The following NFIA variants were observed in gnomAD, a reference collection of about 807,000 sequenced individuals.
The protein encoded by NFIA is nuclear factor 1 A-type.
A neutral mutation model predicts 62.8 loss-of-function variants in NFIA; 8 were observed. The ratio of observed to expected loss-of-function variants is 0.13; its 90% CI spans 0.07 to 0.23. The LOEUF is 0.23. Among genes scored for constraint, NFIA ranks in the 10% least tolerant of loss-of-function variants. The probability of loss-of-function intolerance (pLI) is 1.00; values close to 1 mark genes in which losing one functional copy is unlikely to be tolerated. For missense variants in NFIA, 410 were observed against 642.1 expected (o/e 0.64, Z 3.91); for synonymous variants, 235 against 238.1 (o/e 0.99, Z 0.12).
chr1:61,285,242 T>C (rs1658410697), intron 3 of NFIA, among the ~76,000 whole-genome samples: 1 of 152,070 alleles, frequency 6.6e-6, no homozygotes, highest in Non-Finnish European at 1.5e-5. Flanking sequence ...ATGGCCACTT[T>C]TCATACCTCC....
intron 2 of NFIA, among the ~76,000 whole-genome samples, chr1:61,258,686 C>T (rs561865287): frequency 6.6e-6 from 1 of 152,180 alleles, no homozygotes; most frequent in African/African-American, 2.4e-5. Flanking sequence ...CAGAACTTGA[C>T]TATAAACTAA....
At chr1:61,281,593 A>C (rs1229825521) in intron 3 of NFIA, among the ~76,000 whole-genome samples, 2 of 152,132 alleles carry the variant, frequency 1.3e-5, no homozygotes, top group Non-Finnish European at 1.5e-5. Context: ...TTTTATCCTC[A>C]CAATCTGTTC....
chr1:61,140,043 G>A (rs1647389200), intron 2 of NFIA, among the ~76,000 whole-genome samples: 1 of 152,130 alleles, frequency 6.6e-6, no homozygotes, highest in East Asian at 1.9e-4. Context: ...TAAATGATGA[G>A]AGGAATATCC....
At chr1:61,257,885 CTTTTT>C (rs58230415) in intron 2 of NFIA, among the ~76,000 whole-genome samples, 2 of 115,434 alleles carry the variant, frequency 1.7e-5, no homozygotes, top group African/African-American at 6.8e-5. Context: ...TTCTTTTTTT[CTTTTT>C]TTTTTTTCCT....
chr1:61,311,340 G>A (rs1350815349), intron 3 of NFIA, among the ~76,000 whole-genome samples: 4 of 152,090 alleles, frequency 2.6e-5, no homozygotes, highest in South Asian at 2.1e-4. Context: ...GCGGTGAGCC[G>A]AGATCGCGAC....
rs567239693 is a variant in NFIA, at chr1:61,368,939, A to G, written c.946+9665A>G. Among the ~76,000 whole-genome samples the G allele has an allele frequency of 1.8e-4, 28 of 152,348 alleles. No homozygotes were observed. In the South Asian group the frequency reaches 5.8e-3, roughly 32 times the overall value. The stretch of plus-strand genomic sequence containing the variant: ...AGCTTACAGCCCAGTGAAGGAAGGA[A>G]GGGTAACTGGTTAAATAAGTACCCA... On this transcript the variant is annotated intron_variant, in intron 6 of 10. Transcript: ENST00000403491.
chr1:61,239,879 T>A (rs1655236010), intron 2 of NFIA, among the ~76,000 whole-genome samples: 1 of 152,132 alleles, frequency 6.6e-6, no homozygotes, highest in African/African-American at 2.4e-5. Flanking sequence ...TGGGGTTTCC[T>A]CTCTAGTGAA....
chr1:61,278,168 G>A (rs1306232582), intron 3 of NFIA, among the ~76,000 whole-genome samples: 3 of 152,126 alleles, frequency 2.0e-5, no homozygotes, highest in Non-Finnish European at 4.4e-5. Flanking sequence ...TAAATTTTCT[G>A]TTGCAGATGC....
At chr1:61,078,946 C>T (rs1486931017), upstream of NFIA, among the ~76,000 whole-genome samples, 1 of 152,224 alleles carries the variant, frequency 6.6e-6, no homozygotes, top group East Asian at 1.9e-4. Context: ...ATATCTCCAT[C>T]TCCTCCTCTC....
intron 2 of NFIA, among the ~76,000 whole-genome samples, chr1:61,141,677 A>G (rs887500806): frequency 4.6e-5 from 7 of 152,208 alleles, no homozygotes; most frequent in Admixed American, 1.3e-4. Context: ...TTGACTTTCT[A>G]TATGACCCTA....
chr1:61,108,392 T>C (rs1646640245), intron 2 of NFIA, among the ~76,000 whole-genome samples: 1 of 151,762 alleles, frequency 6.6e-6, no homozygotes. Context: ...TGTTTTTAAC[T>C]CTAATTTCTA....
At chr1:61,132,244 C>G (rs1239815521) in intron 2 of NFIA, among the ~76,000 whole-genome samples, 1 of 152,118 alleles carries the variant, frequency 6.6e-6, no homozygotes, top group African/African-American at 2.4e-5. Context: ...CCTGTCCACT[C>G]CCATTACTAA....
At chr1:61,192,672 C>T (rs774246120) in intron 2 of NFIA, among the ~76,000 whole-genome samples, 5 of 150,506 alleles carry the variant, frequency 3.3e-5, no homozygotes, top group African/African-American at 4.9e-5. Flanking sequence ...CATTGCACTC[C>T]AGCCTGGGTG....
At chr1:61,302,203 G>A (rs1343372611) in intron 3 of NFIA, among the ~76,000 whole-genome samples, 2 of 152,068 alleles carry the variant, frequency 1.3e-5, no homozygotes, top group Non-Finnish European at 2.9e-5. Flanking sequence ...TAAATGCTCC[G>A]GATGGGTACT....
At chr1:61,426,006 G>A (rs1271369268) in intron 9 of NFIA, among the ~76,000 whole-genome samples, 1 of 152,204 alleles carries the variant, frequency 6.6e-6, no homozygotes, top group Non-Finnish European at 1.5e-5. Flanking sequence ...ATCTCTAGCT[G>A]TAGAGGCACA....
chr1:61,260,619 C>T (rs1245150713), intron 2 of NFIA, among the ~76,000 whole-genome samples: 2 of 152,192 alleles, frequency 1.3e-5, no homozygotes, highest in East Asian at 1.9e-4. Context: ...CTCGCTCTGT[C>T]GCCCAGGCTG....
At chr1:61,335,601 G>A (rs1220271610) in intron 4 of NFIA, among the ~76,000 whole-genome samples, 1 of 152,190 alleles carries the variant, frequency 6.6e-6, no homozygotes, top group African/African-American at 2.4e-5. Flanking sequence ...CCAGCACTTT[G>A]GGAGGCCAAG....
intron 10 of NFIA, among the ~76,000 whole-genome samples, chr1:61,442,794 A>G (rs1046227284): frequency 1.3e-5 from 2 of 152,206 alleles, no homozygotes; most frequent in African/African-American, 4.8e-5. Flanking sequence ...CTTTCTGGAA[A>G]TCAACCAATC....
intron 2 of NFIA, among the ~76,000 whole-genome samples, chr1:61,258,959 G>T (rs184173222): frequency 2.6e-5 from 4 of 152,072 alleles, no homozygotes; most frequent in African/African-American, 9.7e-5. Flanking sequence ...GAGCTCAAGC[G>T]ATCCACCTGC....
Sources: gnomAD v4.1 joint callset for allele counts (sites outside exome capture counted in the v4.1 genomes callset) on GRCh38, gnomAD v4.1.1 for gene constraint, MANE v1.5 for transcripts, NCBI Gene and HGNC (gene_info 2026-07-23, HGNC 2026-07-21) for gene names.